DACT2: variants seen among roughly 807,000 people sequenced by gnomAD.
The protein encoded by DACT2 is dishevelled binding antagonist of beta catenin 2.
DACT2 carries 20 observed loss-of-function variants against 22.2 expected under a neutral mutation model. The ratio of observed to expected loss-of-function variants is 0.90; its 90% CI spans 0.63 to 1.31. The LOEUF (loss-of-function observed/expected upper bound fraction) is 1.31, where lower values mean the gene tolerates loss of function less well. DACT2 is among the 50% of genes most tolerant of loss of function. The pLI is 0.00. For synonymous variants in DACT2, 463 were observed against 479.8 expected, an observed-to-expected ratio of 0.96 and a Z score of 0.46; for missense variants, 1,048 against 1,061.4, an observed-to-expected ratio of 0.99 and a Z score of 0.18.
In DACT2 at chr6:168,307,393, C is replaced by T; in HGVS notation, c.*39G>A. The T allele has an allele frequency of 6.5e-7, 1 of 1,549,008 alleles. No homozygotes were observed. Among genetic ancestry groups the T allele is most frequent in the East Asian group, 2.4e-5 (1 of 40,888 alleles). On this transcript the variant is annotated 3_prime_UTR_variant, in exon 4 of 4. Transcript: ENST00000366795. This position sits in a 1 kb window ranked among gnomAD's most constrained non-coding sequence, Gnocchi z 5.3. ...ACAGGACACTGCATGGAAAGGGCCC[C>T]TGTGTGCAGCAGGCTTCTCTTGACG...
chr6:168,294,340 C>T, intron 4 of DACT2: 1 of 668,916 alleles, frequency 1.5e-6, no homozygotes, highest in Non-Finnish European at 2.7e-6. Flanking sequence ...CGCTTCTCCC[C>T]TCCTAGTCCT....
chr6:168,313,171 C>T (rs570434996), intron 1 of DACT2, among the ~76,000 whole-genome samples: 133 of 152,238 alleles, frequency 8.7e-4, no homozygotes, highest in Non-Finnish European at 1.6e-3. Flanking sequence ...CTCAGCCTCC[C>T]GAGTAGCTGG....
chr6:168,310,590 C>A, intron 2 of DACT2, 144 bp from the exon 3 acceptor site: 1 of 1,158,810 alleles, frequency 8.6e-7, no homozygotes, highest in Non-Finnish European at 1.2e-6. Flanking sequence ...ATCGTCCACA[C>A]GGCCGGCCTG....
At position 168,307,402 on chromosome 6, in the gene DACT2, G is replaced by A; in HGVS notation, c.*30C>T. On this transcript the variant is annotated 3_prime_UTR_variant, in exon 4 of 4. Coordinates refer to ENST00000366795, the MANE Select transcript of DACT2 (RefSeq NM_214462.5). This position sits in a 1 kb window ranked among gnomAD's most constrained non-coding sequence, Gnocchi z 5.3. ...TGCATGGAAAGGGCCCCTGTGTGCAGCAGGCTTCTCTTGACGCAGTCACTG... is the reference window on the plus strand; with the variant it reads ...TGCATGGAAAGGGCCCCTGTGTGCAACAGGCTTCTCTTGACGCAGTCACTG... The A allele has an allele frequency of 6.4e-7, 1 of 1,550,392 alleles. No homozygotes were observed. The highest frequency in any genetic ancestry group is 1.2e-5 in the South Asian group (1 of 83,840).
chr6:168,309,428 C>CAGGGTGCGGGGCCGTTTGCGTGTAGACAT (rs1779336664), intron 3 of DACT2, among the ~76,000 whole-genome samples: 1 of 151,540 alleles, frequency 6.6e-6, no homozygotes, highest in Admixed American at 6.6e-5. Context: ...CGTGTAGACA[C>CAGGGTGCGGGGCCGTTTGCGTGTAGACAT]AGGGTGCGGG....
At position 168,309,323 on chromosome 6, in the gene DACT2, C is replaced by T. The variant is rs115256350; in HGVS notation, c.659-225G>A. On this transcript the variant is annotated intron_variant, in intron 3 of 3. Coordinates refer to ENST00000366795, the MANE Select transcript of DACT2 (RefSeq NM_214462.5). ...TTTAAGACACTGGGCGCGGGGCAGA[C>T]GGGAATGCGTTTAGACACAGGGTGC... Among the ~76,000 whole-genome samples the T allele has an allele frequency of 5.6e-5, 6 of 107,562 alleles. No individual in the cohort carries two copies. The Admixed American group carries it at 6.7e-4, about 12-fold the overall frequency. 70.6% of individuals were successfully genotyped at this position (107,562 alleles called of 152,430 possible).
Position 168,319,503 on chromosome 6 carries a change from C to A in DACT2, c.131G>T (p.Arg44Leu). Reference protein sequence around the residue: ...GLRATQQERVRGALALQPPPA... With the variant: ...GLRATQQERVLGALALQPPPA... Reference sequence around the variant, plus strand: ...CGGGGGCTGCAGGGCCAGGGCGCCCCGTACCCGCTCCTGCTGCGTGGCTCG... The same window carrying A: ...CGGGGGCTGCAGGGCCAGGGCGCCCAGTACCCGCTCCTGCTGCGTGGCTCG... The change falls in exon 1 of 4, where the codon CGG becomes CTG. Residue 44 changes from arginine (R) to leucine (L), a missense_variant. Transcript: ENST00000366795. 3.8e-6 allele frequency: 5 copies of A among 1,311,278 alleles called. No individual in the cohort carries two copies. The highest frequency in any genetic ancestry group is 2.9e-5 in the Admixed American group (1 of 34,606). 81.2% of individuals were successfully genotyped at this position (1,311,278 alleles called of 1,614,324 possible).
chr6:168,319,190 G>C lies in DACT2; in HGVS notation c.246+198C>G, dbSNP rs1173221257. On this transcript the variant is annotated intron_variant, in intron 1 of 3. Transcript: ENST00000366795. ...CAGTTTTCAGGGTCCTCACCTGTGC[G>C]CTTCACCTCTAGGCACCTGCGCGCG... Among the ~76,000 whole-genome samples, 5 of 152,104 alleles carry C rather than the reference G, an allele frequency of 3.3e-5. No individual in the cohort carries two copies. In the East Asian group the frequency reaches 9.7e-4, roughly 30 times the overall value.
chr6:168,304,851 G>C (rs993267049), downstream of DACT2, among the ~76,000 whole-genome samples: 1 of 152,212 alleles, frequency 6.6e-6, no homozygotes, highest in African/African-American at 2.4e-5. Context: ...AACACTGAGC[G>C]GAGGCAAGGA....
At chr6:168,309,331 C>T (rs1334777298) in intron 3 of DACT2, among the ~76,000 whole-genome samples, 2 of 94,400 alleles carry the variant, frequency 2.1e-5, no homozygotes, top group Non-Finnish European at 4.3e-5. Flanking sequence ...GACGGGAATG[C>T]GTTTAGACAC....
chr6:168,308,278 C>T lies in DACT2; in HGVS notation c.1479G>A (p.Lys493=), dbSNP rs1387160708. 1 of 1,552,178 alleles carries T rather than the reference C, an allele frequency of 6.4e-7. No individual in the cohort carries two copies. Among genetic ancestry groups the T allele is most frequent in the African/African-American group, 1.4e-5 (1 of 73,062 alleles). The change falls in exon 4 of 4, where the codon AAG becomes AAA. Residue 493 remains lysine, a synonymous_variant. Transcript: ENST00000366795. ...FAASLKMGPP[K]SKAEKIKRSP... Reference sequence around the variant, plus strand: ...TTCTCTTGATTTTTTCAGCCTTGCTCTTGGGGGGACCCATTTTCAGGCTGG... The same window carrying T: ...TTCTCTTGATTTTTTCAGCCTTGCTTTTGGGGGGACCCATTTTCAGGCTGG...
Position 168,309,025 on chromosome 6 carries a change from G to A in DACT2, c.732C>T (p.Leu244=). 2 of 1,546,618 alleles carry A rather than the reference G, an allele frequency of 1.3e-6. No individual in the cohort carries two copies. Among genetic ancestry groups the A allele is most frequent in the Non-Finnish European group, 1.7e-6 (2 of 1,146,696 alleles). The change falls in exon 4 of 4, where the codon CTC becomes CTT. Residue 244 remains leucine (L), a synonymous_variant. Transcript: ENST00000366795. ...GCGGGATATCCACCCCCTGGCAGAG[G>A]AGCCCGAGGAGCTCGGCGTCCGCGC... ...KASADAELLG[L]LCQGVDIPLH...
chr6:168,308,340 G>A lies in DACT2; in HGVS notation c.1417C>T (p.Pro473Ser), dbSNP rs891314047. 2 of 1,552,042 alleles carry A rather than the reference G, an allele frequency of 1.3e-6. No individual in the cohort carries two copies. Among genetic ancestry groups the A allele is most frequent in the Non-Finnish European group, 1.7e-6 (2 of 1,147,068 alleles). ...PSRMLDKSPS[P>S]ASGHFAHPSF... ...GGGTGGGCAAAGTGCCCAGAGGCCG[G>A]TGAGGGGCTCTTGTCCAGCATCCTG... The change falls in exon 4 of 4, where the codon CCG becomes TCG. Residue 473 changes from proline (P) to serine (S), a missense_variant. Transcript: ENST00000366795.
downstream of DACT2, chr6:168,306,764 T>C (rs549723217): frequency 3.9e-5 from 24 of 612,616 alleles, no homozygotes; most frequent in Non-Finnish European, 4.7e-5. Flanking sequence ...CTTTACTTTT[T>C]ATACTAAAAC....
downstream of DACT2, among the ~76,000 whole-genome samples, chr6:168,302,331 A>G (rs894408587): frequency 6.7e-6 from 1 of 149,726 alleles, no homozygotes; most frequent in Non-Finnish European, 1.5e-5. Flanking sequence ...ATGTGTAAGG[A>G]ATGTTGAACC....
Position 168,319,686 on chromosome 6 carries a change from A to G in DACT2, c.-53T>C. The G allele has an allele frequency of 8.4e-7, 1 of 1,193,322 alleles. No individual in the cohort carries two copies. The highest frequency in any genetic ancestry group is 1.0e-6 in the Non-Finnish European group (1 of 962,342). 73.9% of individuals were successfully genotyped at this position (1,193,322 alleles called of 1,614,324 possible). ...ACCCCACGAGCGGCGCCGGAGGCCC[A>G]GCGCGCGCGGATCCCGAGCTGTGTC... is the stretch of plus-strand genomic sequence containing the variant. On this transcript the variant is annotated 5_prime_UTR_variant, in exon 1 of 4. Transcript: ENST00000366795.
chr6:168,312,667 G>A (rs532612071), intron 1 of DACT2, among the ~76,000 whole-genome samples: 2 of 152,274 alleles, frequency 1.3e-5, no homozygotes, highest in East Asian at 1.9e-4. Context: ...GAACAACTAC[G>A]ATTAAGGCAA....
intron 2 of DACT2, 121 bp from the exon 3 acceptor site, chr6:168,310,567 G>A: frequency 1.5e-6 from 2 of 1,326,264 alleles, no homozygotes; most frequent in South Asian, 1.5e-5. Context: ...GAGGCTACCG[G>A]AGGCTGTGTG....
At chr6:168,297,685 C>T (rs144053671) in intron 3 of DACT2, among the ~76,000 whole-genome samples, 1 of 152,356 alleles carries the variant, frequency 6.6e-6, no homozygotes, top group Non-Finnish European at 1.5e-5. Context: ...CATACAGCTA[C>T]CTGGGAGAGA....
Sources: gnomAD v4.1 joint callset for allele counts (sites outside exome capture counted in the v4.1 genomes callset) on GRCh38, gnomAD v4.1.1 for gene constraint, Gnocchi (gnomAD v3.1) non-coding constraint, MANE v1.5 for transcripts, NCBI Gene and HGNC (gene_info 2026-07-23, HGNC 2026-07-21) for gene names.